SPTLC2: variants seen among roughly 807,000 people sequenced by gnomAD.
SPTLC2 encodes the protein serine palmitoyltransferase 2.
A neutral mutation model predicts 62.0 loss-of-function variants in SPTLC2; 21 were observed. That is an observed-to-expected ratio of 0.34 (90% CI 0.24 to 0.49). The LOEUF (loss-of-function observed/expected upper bound fraction) is 0.49. SPTLC2 is among the 20% of genes least tolerant of loss of function. The pLI is 0.99. For missense variants in SPTLC2, 511 were observed against 713.0 expected, an observed-to-expected ratio of 0.72 and a Z score of 3.23; for synonymous variants, 261 against 261.8, an observed-to-expected ratio of 1.00 and a Z score of 0.03.
At chr14:77,587,807 G>A (rs765919151) in intron 2 of SPTLC2, among the ~76,000 whole-genome samples, 8 of 139,036 alleles carry the variant, frequency 5.8e-5, no homozygotes, top group Non-Finnish European at 1.1e-4. Flanking sequence ...GCTGTTTGCT[G>A]GTATGATAGT....
rs1046352769 is a variant in SPTLC2 at position 77,555,537 on chromosome 14, AAT to A, written c.957-20_957-19del. ...CCTCCATGCTGGCAAAACATGAAAA[AAT>A]ATATATATACACATATACACTGAGA... is the stretch of plus-strand genomic sequence containing the variant. On this transcript the variant is annotated intron_variant, in intron 7 of 11. Coordinates refer to ENST00000216484, the MANE Select transcript of SPTLC2 (RefSeq NM_004863.4). 3.7e-6 allele frequency: 6 copies of A among 1,610,250 alleles called. No homozygotes were observed. Among genetic ancestry groups the A allele is most frequent in the Admixed American group, 1.7e-5 (1 of 59,914 alleles).
At chr14:77,612,730 G>C (rs965697685) in intron 1 of SPTLC2, among the ~76,000 whole-genome samples, 1 of 152,180 alleles carries the variant, frequency 6.6e-6, no homozygotes, top group African/African-American at 2.4e-5. Flanking sequence ...AGCTTTATTA[G>C]TTATTTATTT....
intron 11 of SPTLC2, 129 bp from the exon 12 acceptor site, chr14:77,512,532 C>G (rs1264729809): frequency 1.5e-6 from 2 of 1,360,122 alleles, no homozygotes; most frequent in African/African-American, 2.9e-5. Context: ...AGTGCATTTA[C>G]AAGATCAGAC....
At chr14:77,570,094 A>G (rs889178194) in intron 5 of SPTLC2, among the ~76,000 whole-genome samples, 1 of 151,192 alleles carries the variant, frequency 6.6e-6, no homozygotes, top group Non-Finnish European at 1.5e-5. Context: ...GTGGTGGCAC[A>G]CAGCTGTAGT....
At chr14:77,563,979 T>C (rs1046270781) in intron 5 of SPTLC2, among the ~76,000 whole-genome samples, 1 of 152,106 alleles carries the variant, frequency 6.6e-6, no homozygotes, top group Non-Finnish European at 1.5e-5. Context: ...TGGCCAGGCA[T>C]GGTGGCTCAT....
At chr14:77,565,449 C>T (rs910911580) in intron 5 of SPTLC2, among the ~76,000 whole-genome samples, 4 of 152,050 alleles carry the variant, frequency 2.6e-5, no homozygotes, top group Admixed American at 1.3e-4. Flanking sequence ...CTGAGACAAG[C>T]GATTAAGATT....
At chr14:77,569,887 A>G (rs1424133981) in intron 5 of SPTLC2, among the ~76,000 whole-genome samples, 1 of 137,692 alleles carries the variant, frequency 7.3e-6, no homozygotes, top group Non-Finnish European at 1.6e-5. Context: ...CTGGTCTCAA[A>G]CTCCTGACCT....
intron 11 of SPTLC2, among the ~76,000 whole-genome samples, chr14:77,513,016 C>CTTTTTTTTTTTTTTTTTTTTTTT (rs1190713237): frequency 1.6e-5 from 1 of 62,820 alleles, no homozygotes; most frequent in African/African-American, 6.3e-5. Flanking sequence ...AACCCAGCAA[C>CTTTTTTTTTTTTTTTTTTTTTTT]TTTTTTTTTT....
chr14:77,521,521 T>C lies in SPTLC2; in HGVS notation c.1364A>G (p.Glu455Gly). 6.2e-7 allele frequency: 1 copy of C among 1,614,154 alleles called. No individual in the cohort carries two copies. The highest frequency in any genetic ancestry group is 1.1e-5 in the South Asian group (1 of 91,084). ...ATTTCCATAGATGATGAAGCCCATC[T>C]CTTTCAGGCGTCTCCTGAAATACCT... ...NTRYFRRRLKEMGFIIYGNED... is the reference protein window; with the variant it reads ...NTRYFRRRLKGMGFIIYGNED... The change falls in exon 10 of 12, where the codon GAG becomes GGG. Residue 455 changes from glutamate to glycine, a missense_variant. Coordinates refer to ENST00000216484, the MANE Select transcript of SPTLC2 (RefSeq NM_004863.4).
At chr14:77,570,006 G>A (rs1372271087) in intron 5 of SPTLC2, among the ~76,000 whole-genome samples, 1 of 149,508 alleles carries the variant, frequency 6.7e-6, no homozygotes, top group Non-Finnish European at 1.5e-5. Flanking sequence ...AAATTGAGAC[G>A]AGGCCTCACT....
At chr14:77,525,746 TA>T (rs1483652444) in intron 9 of SPTLC2, among the ~76,000 whole-genome samples, 4 of 151,710 alleles carry the variant, frequency 2.6e-5, no homozygotes, top group African/African-American at 4.8e-5. Context: ...CCGTCTCTAC[TA>T]AAAATGCAAA....
In SPTLC2 at chr14:77,555,481, G is replaced by T. The variant is rs916023081; in HGVS notation, c.995C>A (p.Ala332Asp). 1 of 1,614,084 alleles carries T rather than the reference G, an allele frequency of 6.2e-7. No homozygotes were observed. The highest frequency in any genetic ancestry group is 1.7e-5 in the Admixed American group (1 of 59,998). ...GTATGCCTTGTATTTCTTCTTGAGG[G>T]CAATCACTTCAGGAAGACGAACAAT... is the stretch of plus-strand genomic sequence containing the variant. ...GSIVRLPEVIALKKKYKAYLY... is the reference protein window; with the variant it reads ...GSIVRLPEVIDLKKKYKAYLY... Residue 332 changes from alanine (A) to aspartate (D), a missense_variant, in exon 8 of 12, where the codon GCC becomes GAC. Coordinates refer to ENST00000216484, the MANE Select transcript of SPTLC2 (RefSeq NM_004863.4).
At chr14:77,557,981 T>C (rs1450348779) in intron 6 of SPTLC2, among the ~76,000 whole-genome samples, 1 of 151,560 alleles carries the variant, frequency 6.6e-6, no homozygotes, top group African/African-American at 2.4e-5. Flanking sequence ...TAAAAAAAAC[T>C]CCCCCAAATT....
chr14:77,592,455 G>A (rs2079823433), intron 2 of SPTLC2, among the ~76,000 whole-genome samples: 1 of 152,020 alleles, frequency 6.6e-6, no homozygotes, highest in African/African-American at 2.4e-5. Context: ...TTTTGAAGGA[G>A]GCCAAGAATA....
intron 9 of SPTLC2, among the ~76,000 whole-genome samples, chr14:77,524,732 T>C (rs2079400571): frequency 6.6e-6 from 1 of 152,162 alleles, no homozygotes; most frequent in Non-Finnish European, 1.5e-5. Context: ...GGTCATGATG[T>C]TAAGTGAAAT....
intron 9 of SPTLC2, among the ~76,000 whole-genome samples, chr14:77,533,365 C>T (rs1466315300): frequency 1.3e-5 from 2 of 151,498 alleles, no homozygotes; most frequent in African/African-American, 4.9e-5. Flanking sequence ...TAACAAAGTC[C>T]TCCTAAAACA....
chr14:77,522,050 T>C (rs191641508), intron 9 of SPTLC2, among the ~76,000 whole-genome samples: 125 of 152,372 alleles, frequency 8.2e-4, no homozygotes, highest in Non-Finnish European at 1.1e-3. Context: ...TTCATTCTAA[T>C]TAACTGTGCT....
intron 2 of SPTLC2, 121 bp from the exon 3 acceptor site, chr14:77,579,230 G>A (rs369423891): frequency 1.5e-5 from 14 of 948,396 alleles, no homozygotes; most frequent in African/African-American, 1.2e-4. Flanking sequence ...ATTTCATTAC[G>A]TGCAAGATTG....
In SPTLC2 at chr14:77,509,138, T is replaced by C. The variant is rs137961701; in HGVS notation, c.*3146A>G. The C allele has an allele frequency of 5.3e-5, 8 of 152,350 alleles. No homozygotes were observed. Among genetic ancestry groups the C allele is most frequent in the African/African-American group, 1.9e-4 (8 of 41,578 alleles). 9.4% of individuals were successfully genotyped at this position (152,350 alleles called of 1,614,324 possible). On this transcript the variant is annotated 3_prime_UTR_variant, in exon 12 of 12. Coordinates refer to ENST00000216484, the MANE Select transcript of SPTLC2 (RefSeq NM_004863.4). ...CTTGCCCTATCATGAATGTTTACGA[T>C]AGTGACTAAAGCACTACGATGGCTG...
Sources: gnomAD v4.1 joint callset for allele counts (sites outside exome capture counted in the v4.1 genomes callset) on GRCh38, gnomAD v4.1.1 for gene constraint, MANE v1.5 for transcripts, NCBI Gene and HGNC (gene_info 2026-07-23, HGNC 2026-07-21) for gene names.